Variants in RABGEF1 observed in about 807,000 individuals in gnomAD.
The protein encoded by RABGEF1 is RAB guanine nucleotide exchange factor 1.
Under a neutral mutation model 57.3 loss-of-function variants are expected in RABGEF1, and 26 were observed. The observed-to-expected ratio is 0.45, with a 90% CI of 0.33 to 0.63. The LOEUF is 0.63. Ranked by LOEUF, RABGEF1 falls within the 20% of genes least tolerant of loss-of-function variation. The pLI is 0.02. For synonymous variants in RABGEF1, 185 were observed against 210.7 expected (o/e 0.88, Z 1.06); for missense variants, 464 against 607.6 (o/e 0.76, Z 2.48).
At chr7:66,747,983 A>G (rs1268771288) in intron 1 of RABGEF1, among the ~76,000 whole-genome samples, 2 of 152,252 alleles carry the variant, frequency 1.3e-5, no homozygotes, top group Non-Finnish European at 2.9e-5. Context: ...CTGTGTACAC[A>G]GAGCACTTGG....
At chr7:66,736,264 A>G (rs1331897426), upstream of RABGEF1, among the ~76,000 whole-genome samples, 4 of 152,232 alleles carry the variant, frequency 2.6e-5, no homozygotes, top group Admixed American at 2.6e-4. Flanking sequence ...ACTATGGAGC[A>G]CAGCAGAAAA....
intron 2 of RABGEF1, chr7:66,773,566 A>G (rs4718401): frequency 0.013 from 5,410 of 414,760 alleles, 55 homozygotes; most frequent in Admixed American, 0.033. Context: ...GTAAGACTAG[A>G]GAATTTGCAT....
At chr7:66,738,875 C>A (rs1270444547), upstream of RABGEF1, among the ~76,000 whole-genome samples, 5 of 152,164 alleles carry the variant, frequency 3.3e-5, no homozygotes. Flanking sequence ...GCAATTACCA[C>A]CATCCAAGGT....
chr7:66,709,216 T>C (rs1034162067), intron 1 of RABGEF1, among the ~76,000 whole-genome samples: 1 of 152,042 alleles, frequency 6.6e-6, no homozygotes, highest in African/African-American at 2.4e-5. Context: ...ACCATGTTGT[T>C]CAGGCTGGTC....
At chr7:66,667,190 A>T in the RABGEF1 span, among the ~76,000 whole-genome samples, 1 of 152,158 alleles carries the variant, frequency 6.6e-6, no homozygotes, top group Non-Finnish European at 1.5e-5. Flanking sequence ...GAGCCCGGGG[A>T]TCAGGAAGGG....
intron 7 of RABGEF1, among the ~76,000 whole-genome samples, chr7:66,803,510 A>G (rs1236334130): frequency 6.6e-6 from 1 of 152,186 alleles, no homozygotes; most frequent in African/African-American, 2.4e-5. Context: ...CACGTGCTTC[A>G]GCACCCTTCG....
intron 1 of RABGEF1, among the ~76,000 whole-genome samples, chr7:66,691,436 CAG>C (rs1454749312): frequency 6.6e-6 from 1 of 151,860 alleles, no homozygotes; most frequent in Non-Finnish European, 1.5e-5. Flanking sequence ...GGATAGTACT[CAG>C]AACAAAATAT....
At chr7:66,753,209 G>A (rs11761542) in intron 1 of RABGEF1, among the ~76,000 whole-genome samples, 51,712 of 151,972 alleles carry the variant, frequency 0.34, 9,201 homozygotes, top group Middle Eastern at 0.49. Flanking sequence ...TAAATAGGAT[G>A]ACCATGTAAC....
At chr7:66,756,746 T>G (rs4718396) in intron 1 of RABGEF1, among the ~76,000 whole-genome samples, 5,980 of 152,222 alleles carry the variant, frequency 0.039, 165 homozygotes, top group East Asian at 0.085. Context: ...TTTAGTTCTT[T>G]CCATTTTCTG....
chr7:66,725,428 A>G lies in RABGEF1; in HGVS notation c.-815+13204A>G, dbSNP rs1162338218. On this transcript the variant is annotated intron_variant and NMD_transcript_variant, in intron 2 of 9. Coordinates refer to the RABGEF1 transcript ENST00000607882. Reference sequence around the variant, plus strand: ...ACTTTTTGTCTTTATAGATTTGTCTATTCATATAACTGGAATAATGCAATC... The same window carrying G: ...ACTTTTTGTCTTTATAGATTTGTCTGTTCATATAACTGGAATAATGCAATC... 2.0e-5 allele frequency among the ~76,000 whole-genome samples: 3 copies of G among 152,136 alleles called. No individual in the cohort carries two copies. The East Asian group carries it at 5.8e-4, about 29-fold the overall frequency.
chr7:66,711,405 A>ATT lies in RABGEF1; in HGVS notation c.-872-747_-872-746dup, dbSNP rs202115107. ...TTAGATCTGAGATCTTTTTGTGCTA[A>ATT]TTTTTTTTTTTTTTTTGCATAAGCT... is the stretch of plus-strand genomic sequence containing the variant. On this transcript the variant is annotated intron_variant and NMD_transcript_variant, in intron 1 of 9. Coordinates refer to the RABGEF1 transcript ENST00000607882. Among the ~76,000 whole-genome samples, 87 of 138,256 alleles carry ATT rather than the reference A, an allele frequency of 6.3e-4. No homozygotes were observed. In the East Asian group the frequency reaches 7.7e-3, roughly 12 times the overall value. The allele number at this position is 138,256 out of a possible 152,430, so 90.7% of individuals were successfully genotyped here.
chr7:66,731,908 GCC>G (rs1397145145), intron 2 of RABGEF1, among the ~76,000 whole-genome samples: 2 of 152,156 alleles, frequency 1.3e-5, no homozygotes, highest in Non-Finnish European at 2.9e-5. Context: ...TTCATCCGAC[GCC>G]CCTGAGATGT....
chr7:66,751,311 G>C (rs1014195203), intron 1 of RABGEF1, among the ~76,000 whole-genome samples: 1 of 152,162 alleles, frequency 6.6e-6, no homozygotes, highest in South Asian at 2.1e-4. Flanking sequence ...CATTACAGGC[G>C]TGAGCCACCG....
In RABGEF1 at chr7:66,729,704, C is replaced by T. The variant is rs574013229; in HGVS notation, c.-814-10292C>T. Among the ~76,000 whole-genome samples the T allele has an allele frequency of 1.5e-3, 231 of 152,314 alleles. 2 individuals carry two copies. The highest frequency in any genetic ancestry group is 0.012 in the South Asian group (56 of 4,832). ...ACCCATCCAGTCTCCAGGTGGGTCT[C>T]CTGCCATCACTAAATACTTCTTAAT... On this transcript the variant is annotated intron_variant and NMD_transcript_variant, in intron 2 of 9. Transcript: ENST00000607882.
upstream of RABGEF1, among the ~76,000 whole-genome samples, chr7:66,739,380 C>T (rs547701458): frequency 8.6e-5 from 13 of 151,426 alleles, no homozygotes; most frequent in South Asian, 2.7e-3. Flanking sequence ...TCGGGCCGGG[C>T]GCAGTAGCTC....
the RABGEF1 span, among the ~76,000 whole-genome samples, chr7:66,675,361 C>T: frequency 4.6e-5 from 7 of 151,850 alleles, no homozygotes; most frequent in Non-Finnish European, 1.0e-4. Flanking sequence ...ACCTGGGAGG[C>T]GGAGGTTGCA....
chr7:66,693,194 C>T (rs1791799766), intron 1 of RABGEF1, among the ~76,000 whole-genome samples: 1 of 152,184 alleles, frequency 6.6e-6, no homozygotes, highest in Non-Finnish European at 1.5e-5. Flanking sequence ...TCTCACCCTT[C>T]ACCCTCACAT....
At chr7:66,755,933 T>G (rs1340674122) in intron 1 of RABGEF1, 7 of 663,160 alleles carry the variant, frequency 1.1e-5, no homozygotes, top group Non-Finnish European at 1.7e-5. Flanking sequence ...TTTTGTTATA[T>G]TTAACATTAA....
At chr7:66,733,488 G>A (rs1253398384) in intron 2 of RABGEF1, among the ~76,000 whole-genome samples, 4 of 151,968 alleles carry the variant, frequency 2.6e-5, no homozygotes, top group Non-Finnish European at 4.4e-5. Context: ...CAGGAGATCA[G>A]GAGTTCAAAA....
Sources: allele counts gnomAD v4.1 joint callset (sites outside exome capture counted in the v4.1 genomes callset), GRCh38; gene constraint gnomAD v4.1.1; transcripts MANE v1.5; gene names NCBI Gene and HGNC (gene_info 2026-07-23, HGNC 2026-07-21).